NCKAP5: variants seen among roughly 807,000 people sequenced by gnomAD.
The protein encoded by NCKAP5 is nck-associated protein 5.
Under a neutral mutation model 167.0 loss-of-function variants are expected in NCKAP5, and 92 were observed. That is an observed-to-expected ratio of 0.55 (90% CI 0.47 to 0.66). NCKAP5 has a LOEUF of 0.66. Ranked by LOEUF, NCKAP5 falls within the 30% of genes least tolerant of loss-of-function variation. NCKAP5 has a pLI of 0.00. For synonymous variants in NCKAP5, 891 were observed against 877.4 expected (o/e 1.02, Z -0.27); for missense variants, 2,378 against 2,315.0 (o/e 1.03, Z -0.56).
intron 6 of NCKAP5, among the ~76,000 whole-genome samples, chr2:133,028,411 T>A (rs2078766736): frequency 6.6e-6 from 1 of 152,218 alleles, no homozygotes; most frequent in African/African-American, 2.4e-5. Flanking sequence ...TGAGCATATA[T>A]CATAAATTTC....
At chr2:133,356,250 A>ACT in intron 3 of NCKAP5, among the ~76,000 whole-genome samples, 1 of 152,116 alleles carries the variant, frequency 6.6e-6, no homozygotes, top group Non-Finnish European at 1.5e-5. Context: ...TTATATCTCA[A>ACT]ATCCCATCTC....
chr2:133,299,839 G>A (rs970226814), intron 4 of NCKAP5, among the ~76,000 whole-genome samples: 3 of 152,064 alleles, frequency 2.0e-5, no homozygotes, highest in East Asian at 3.9e-4. Flanking sequence ...TACAATATGA[G>A]GCATCACGTA....
the NCKAP5 span, among the ~76,000 whole-genome samples, chr2:133,667,033 A>C: frequency 6.6e-6 from 1 of 152,146 alleles, no homozygotes; most frequent in African/African-American, 2.4e-5. Flanking sequence ...TTTGGCCAAA[A>C]CCTAGCTTCT....
chr2:133,288,946 C>T (rs141588987), intron 4 of NCKAP5, among the ~76,000 whole-genome samples: 231 of 152,214 alleles, frequency 1.5e-3, no homozygotes, highest in Non-Finnish European at 2.8e-3. Flanking sequence ...AAATAACTGC[C>T]GAAGTCATTT....
chr2:133,618,704 G>C, the NCKAP5 span, among the ~76,000 whole-genome samples: 1 of 151,766 alleles, frequency 6.6e-6, no homozygotes, highest in African/African-American at 2.4e-5. Flanking sequence ...TACACTGTTG[G>C]TGGGACTGTA....
At chr2:133,549,055 C>CA (rs1182725335) in intron 2 of NCKAP5, among the ~76,000 whole-genome samples, 1 of 150,258 alleles carries the variant, frequency 6.7e-6, no homozygotes, top group Non-Finnish European at 1.5e-5. Context: ...AAATGGAAAA[C>CA]AAAAAAAGGC....
intron 3 of NCKAP5, among the ~76,000 whole-genome samples, chr2:133,458,842 G>C (rs1382139697): frequency 6.6e-6 from 1 of 152,128 alleles, no homozygotes; most frequent in African/African-American, 2.4e-5. Flanking sequence ...TATCAATGTT[G>C]TCAAATTGAG....
At chr2:133,036,406 T>C (rs951061116) in intron 6 of NCKAP5, among the ~76,000 whole-genome samples, 1 of 151,998 alleles carries the variant, frequency 6.6e-6, no homozygotes, top group African/African-American at 2.4e-5. Context: ...TGAATATTGA[T>C]GCAAAAATCC....
At chr2:133,285,453 A>C in intron 4 of NCKAP5, among the ~76,000 whole-genome samples, 1 of 152,114 alleles carries the variant, frequency 6.6e-6, no homozygotes, top group East Asian at 1.9e-4. Context: ...ATAATGGTTT[A>C]GCAATGAGCT....
Position 133,130,007 on chromosome 2 carries a change from C to T in NCKAP5, c.312G>A (p.Gln104=). The change falls in exon 6 of 20, where the codon CAG becomes CAA. Residue 104 remains glutamine, a synonymous_variant. Transcript: ENST00000409261. ...AGAACTGCTGCTGCAAGCTACGCAT[C>T]TGAATTCTGTTGCGTTCAGACTCTA... ...VTLESERNRI[Q]MRSLQQQFSR... 1 of 1,610,090 alleles carries T rather than the reference C, an allele frequency of 6.2e-7. No homozygotes were observed. The highest frequency in any genetic ancestry group is 8.5e-7 in the Non-Finnish European group (1 of 1,178,634).
At chr2:132,894,530 C>T (rs529579462) in intron 8 of NCKAP5, among the ~76,000 whole-genome samples, 15 of 152,306 alleles carry the variant, frequency 9.8e-5, no homozygotes, top group African/African-American at 3.6e-4. Context: ...AGCGACCTCT[C>T]TCCCCTTTCT....
chr2:132,974,665 T>C (rs1387867773), intron 7 of NCKAP5, among the ~76,000 whole-genome samples: 3 of 152,222 alleles, frequency 2.0e-5, no homozygotes, highest in African/African-American at 4.8e-5. Flanking sequence ...TCCCTAACGG[T>C]AGTAATTCTA....
At chr2:133,087,903 A>G (rs890379425) in intron 6 of NCKAP5, among the ~76,000 whole-genome samples, 8 of 152,210 alleles carry the variant, frequency 5.3e-5, no homozygotes, top group African/African-American at 1.9e-4. Flanking sequence ...CATATTTTTA[A>G]TAAAACAGGT....
chr2:133,304,438 A>C (rs1680626689), intron 3 of NCKAP5, among the ~76,000 whole-genome samples: 1 of 152,352 alleles, frequency 6.6e-6, no homozygotes, highest in Non-Finnish European at 1.5e-5. Flanking sequence ...CTTATTGAAT[A>C]AACATTTATT....
At chr2:133,517,652 C>G in intron 2 of NCKAP5, 65 bp from the exon 3 acceptor site, 1 of 489,532 alleles carries the variant, frequency 2.0e-6, no homozygotes, top group Non-Finnish European at 3.4e-6. Flanking sequence ...GTTTTTAACT[C>G]TCTAACCAGA....
chr2:132,864,351 T>C (rs927885448), intron 10 of NCKAP5, among the ~76,000 whole-genome samples: 1 of 12,730 alleles, frequency 7.9e-5, no homozygotes, highest in Non-Finnish European at 1.3e-3. Flanking sequence ...TTTAATATCA[T>C]GAAAAAAAAA....
chr2:133,530,787 A>G (rs1461286566), intron 2 of NCKAP5, among the ~76,000 whole-genome samples: 1 of 152,098 alleles, frequency 6.6e-6, no homozygotes, highest in African/African-American at 2.4e-5. Context: ...TTCCCTCTCT[A>G]TGAACCCTCA....
chr2:133,230,591 C>T (rs16855555), intron 4 of NCKAP5, among the ~76,000 whole-genome samples: 9,018 of 152,188 alleles, frequency 0.059, 890 homozygotes, highest in African/African-American at 0.2. Flanking sequence ...CTTCAATGCT[C>T]CCTTCTTGAT....
chr2:133,644,820 A>T, the NCKAP5 span, among the ~76,000 whole-genome samples: 4 of 152,212 alleles, frequency 2.6e-5, no homozygotes, highest in Admixed American at 6.5e-5. Context: ...AATACATGTT[A>T]TATCGTTTAA....
Sources: allele counts gnomAD v4.1 joint callset (sites outside exome capture counted in the v4.1 genomes callset), GRCh38; gene constraint gnomAD v4.1.1; transcripts MANE v1.5; gene names NCBI Gene and HGNC (gene_info 2026-07-23, HGNC 2026-07-21).